PIWIL2: variants seen among roughly 807,000 people sequenced by gnomAD.
PIWIL2 encodes the protein piwi like RNA-mediated gene silencing 2, also known as piwi-like protein 2.
A neutral mutation model predicts 116.5 loss-of-function variants in PIWIL2; 81 were observed. The ratio of observed to expected loss-of-function variants is 0.70; its 90% CI spans 0.58 to 0.84. PIWIL2 has a LOEUF of 0.84. Ranked by LOEUF, PIWIL2 falls within the 40% of genes least tolerant of loss-of-function variation. The pLI is 0.00. For missense variants in PIWIL2, 1,272 were observed against 1,212.3 expected (o/e 1.05, Z -0.73); for synonymous variants, 489 against 429.5 (o/e 1.14, Z -1.71).
rs1325511616 is a variant in PIWIL2, at chr8:22,357,265, G to C, written c.*1760G>C. 1.3e-5 allele frequency: 2 copies of C among 152,218 alleles called. No individual in the cohort carries two copies. Among genetic ancestry groups the C allele is most frequent in the African/African-American group, 4.8e-5 (2 of 41,460 alleles). 9.4% of individuals were successfully genotyped at this position (152,218 alleles called of 1,614,324 possible). A position where few individuals can be genotyped will look rare whatever the true frequency, so the allele number is the denominator to read the frequency against. ...TGGTGCACTGCTGGTTTCATTTGGA[G>C]TGTGGGACATTAGGGTGAGACAAGG... On this transcript the variant is annotated 3_prime_UTR_variant, in exon 23 of 23. Transcript: ENST00000356766.
chr8:22,354,504 T>C lies in PIWIL2; in HGVS notation c.2765+126T>C, dbSNP rs576188376. 1.2e-5 allele frequency: 7 copies of C among 560,410 alleles called. No homozygotes were observed. The African/African-American group carries it at 1.3e-4, about 11-fold the overall frequency. 34.7% of individuals were successfully genotyped at this position (560,410 alleles called of 1,614,324 possible). ...CTTTTCTTCATATCTTTGACAATTATGGTGTCTTTTTGAGGAGAGATTGGA... is the reference window on the plus strand; with the variant it reads ...CTTTTCTTCATATCTTTGACAATTACGGTGTCTTTTTGAGGAGAGATTGGA... On this transcript the variant is annotated intron_variant, in intron 22 of 22. Coordinates refer to ENST00000356766, the MANE Select transcript of PIWIL2 (RefSeq NM_018068.5).
intron 16 of PIWIL2, among the ~76,000 whole-genome samples, chr8:22,313,732 T>TAAA (rs1831387963): frequency 2.6e-5 from 4 of 152,224 alleles, no homozygotes; most frequent in African/African-American, 9.6e-5. Flanking sequence ...GTCCTCTTTT[T>TAAA]TCAATATTGG....
At chr8:22,305,391 A>G (rs1384968138) in intron 12 of PIWIL2, among the ~76,000 whole-genome samples, 2 of 151,848 alleles carry the variant, frequency 1.3e-5, no homozygotes, top group African/African-American at 2.4e-5. Context: ...ACGGGGTTTC[A>G]CCGTGTTAGC....
chr8:22,328,680 CT>C (rs1268908439), intron 20 of PIWIL2, among the ~76,000 whole-genome samples: 88 of 151,882 alleles, frequency 5.8e-4, no homozygotes, highest in African/African-American at 2.1e-3. Flanking sequence ...CTATTTTATT[CT>C]TTTGGATGCT....
chr8:22,338,542 A>G (rs936769553), intron 20 of PIWIL2, among the ~76,000 whole-genome samples: 4 of 152,038 alleles, frequency 2.6e-5, no homozygotes, highest in African/African-American at 7.2e-5. Flanking sequence ...AACGCAAAAG[A>G]ACAGCTGGGT....
chr8:22,281,320 A>G (rs1586530528), intron 3 of PIWIL2, 57 bp from the exon 4 acceptor site: 10 of 1,567,628 alleles, frequency 6.4e-6, no homozygotes, highest in Admixed American at 2.1e-5. Flanking sequence ...AAAAAAAACT[A>G]TACTTTAAAA....
intron 8 of PIWIL2, among the ~76,000 whole-genome samples, chr8:22,289,269 C>T (rs1830702291): frequency 6.6e-6 from 1 of 151,796 alleles, no homozygotes; most frequent in African/African-American, 2.4e-5. Context: ...TGTCCTGCCT[C>T]AGTCTCCTGA....
Position 22,290,284 on chromosome 8 carries a change from G to T in PIWIL2, c.1119G>T (p.Gly373=). The change falls in exon 10 of 23, where the codon GGG becomes GGT. Residue 373 remains glycine (G), a synonymous_variant. Coordinates refer to ENST00000356766, the MANE Select transcript of PIWIL2 (RefSeq NM_018068.5). ...YAASIRRTDG[G]LFLLADVSHK... is the part of the protein sequence containing the mutation. ...CTAGCATCCGAAGGACAGATGGAGG[G>T]CTCTTCCTGCTAGCTGATGTCTCCC... 6.2e-7 allele frequency: 1 copy of T among 1,612,718 alleles called. No individual in the cohort carries two copies. The highest frequency in any genetic ancestry group is 8.5e-7 in the Non-Finnish European group (1 of 1,178,776).
Position 22,278,527 on chromosome 8 carries a change from C to T in PIWIL2, c.-46-814C>T, listed in dbSNP as rs541186769. On this transcript the variant is annotated intron_variant, in intron 1 of 22. Transcript: ENST00000356766. ...AGAAGGAGACCCTCCTAAAAAACTG[C>T]TTCCTTATACAACAGCTAGTTAACT... Among the ~76,000 whole-genome samples, 235 of 152,300 alleles carry T rather than the reference C, an allele frequency of 1.5e-3. 1 individual carries two copies. Among genetic ancestry groups the T allele is most frequent in the Non-Finnish European group, 2.8e-3 (190 of 68,016 alleles).
Position 22,289,848 on chromosome 8 carries a change from G to T in PIWIL2, c.988G>T (p.Val330Leu), listed in dbSNP as rs1265535850. 1.9e-6 allele frequency: 3 copies of T among 1,588,384 alleles called. No homozygotes were observed. Among genetic ancestry groups the T allele is most frequent in the South Asian group, 1.1e-5 (1 of 90,360 alleles). Reference protein sequence around the residue: ...IPFYNVVFRRVMKLLDMKLVG... With the variant: ...IPFYNVVFRRLMKLLDMKLVG... ...ACTCATACTTGCTTTTTATTTCAGG[G>T]TAATGAAACTTTTAGATATGAAGCT... Residue 330 changes from valine (V) to leucine (L), a missense_variant and splice_region_variant, in exon 9 of 23, where the codon GTA becomes TTA. Coordinates refer to ENST00000356766, the MANE Select transcript of PIWIL2 (RefSeq NM_018068.5).
chr8:22,347,225 T>G (rs1832248232), intron 20 of PIWIL2, among the ~76,000 whole-genome samples: 1 of 150,734 alleles, frequency 6.6e-6, no homozygotes, highest in South Asian at 2.1e-4. Context: ...TTTTTTTTTT[T>G]TTTTTGAGAC....
chr8:22,315,911 T>A (rs544700688), intron 18 of PIWIL2, among the ~76,000 whole-genome samples: 1 of 152,264 alleles, frequency 6.6e-6, no homozygotes, highest in African/African-American at 2.4e-5. Context: ...TCTGAAACAC[T>A]CCAAAATCTG....
At chr8:22,294,207 A>T (rs529306829) in intron 10 of PIWIL2, among the ~76,000 whole-genome samples, 7 of 151,336 alleles carry the variant, frequency 4.6e-5, no homozygotes, top group Non-Finnish European at 1.0e-4. Flanking sequence ...GCGTGGTGGC[A>T]CACGCCTGTA....
chr8:22,353,764 C>CTTTTT (rs760913894), intron 21 of PIWIL2, among the ~76,000 whole-genome samples: 2,300 of 68,178 alleles, frequency 0.034, 406 homozygotes, highest in East Asian at 0.086. Context: ...GTTTCTACCA[C>CTTTTT]TTTTTTTTTT....
chr8:22,326,819 G>A (rs962368125), intron 20 of PIWIL2, among the ~76,000 whole-genome samples: 1 of 151,920 alleles, frequency 6.6e-6, no homozygotes, highest in African/African-American at 2.4e-5. Context: ...ACAAGTATTT[G>A]TTTAAGTTCC....
chr8:22,279,474 C>G lies in PIWIL2; in HGVS notation c.88C>G (p.Gln30Glu), dbSNP rs140971617. ...QAVRMPGCWP[Q>E]ASKPLDPALG... ...TGTACGGATGCCAGGCTGTTGGCCA[C>G]AAGCTTCTAAACCTTTGGACCCAGC... The change falls in exon 2 of 23, where the codon CAA (glutamine) becomes GAA (glutamate). Residue 30 changes from glutamine to glutamate, a missense_variant. Coordinates refer to ENST00000356766, the MANE Select transcript of PIWIL2 (RefSeq NM_018068.5). The G allele has an allele frequency of 2.1e-5, 34 of 1,614,048 alleles. No homozygotes were observed. The highest frequency in any genetic ancestry group is 2.6e-5 in the Non-Finnish European group (31 of 1,180,006).
chr8:22,342,520 A>C (rs1451997877), intron 20 of PIWIL2, among the ~76,000 whole-genome samples: 2 of 152,242 alleles, frequency 1.3e-5, no homozygotes, highest in African/African-American at 4.8e-5. Flanking sequence ...AAGGCAAGTC[A>C]GTGGAAAAAC....
intron 20 of PIWIL2, among the ~76,000 whole-genome samples, chr8:22,347,549 C>T (rs1423647611): frequency 1.7e-4 from 19 of 110,806 alleles, no homozygotes; most frequent in Admixed American, 4.9e-4. Flanking sequence ...TTATTTGAGA[C>T]GGAGTCCTGC....
chr8:22,355,293 T>C, intron 22 of PIWIL2, 56 bp from the exon 23 acceptor site: 1 of 1,571,374 alleles, frequency 6.4e-7, no homozygotes, highest in Non-Finnish European at 8.8e-7. Flanking sequence ...TTGTATTGCA[T>C]GCCACAAATT....
Sources: allele counts gnomAD v4.1 joint callset (sites outside exome capture counted in the v4.1 genomes callset), GRCh38; gene constraint gnomAD v4.1.1; transcripts MANE v1.5; gene names NCBI Gene and HGNC (gene_info 2026-07-23, HGNC 2026-07-21).